PARD3B: variants seen among roughly 807,000 people sequenced by gnomAD.
PARD3B encodes par-3 family cell polarity regulator beta, also known as partitioning defective 3 homolog B.
In PARD3B, 103 loss-of-function variants were observed where a neutral mutation model predicts 130.2. The observed-to-expected ratio is 0.79, with a 90% CI of 0.67 to 0.93. PARD3B has a LOEUF of 0.93. Among genes scored for constraint, PARD3B ranks in the 40% least tolerant of loss-of-function variants. The pLI, the probability that PARD3B is intolerant of heterozygous loss-of-function variation, is 0.00. For missense variants in PARD3B, 1,609 were observed against 1,499.2 expected, an observed-to-expected ratio of 1.07 and a Z score of -1.21; for synonymous variants, 583 against 553.2, an observed-to-expected ratio of 1.05 and a Z score of -0.76.
rs540303866 is a variant in PARD3B, at chr2:205,037,308, AAT to A, written c.395-10265_395-10264del. Among the ~76,000 whole-genome samples the A allele has an allele frequency of 8.5e-3, 664 of 77,708 alleles. 4 individuals are homozygous for A. The highest frequency in any genetic ancestry group is 0.024 in the South Asian group (42 of 1,742). 51.0% of individuals were successfully genotyped at this position (77,708 alleles called of 152,430 possible). On this transcript the variant is annotated intron_variant, in intron 3 of 22. Coordinates refer to ENST00000406610, the MANE Select transcript of PARD3B (RefSeq NM_001302769.2). The stretch of plus-strand genomic sequence containing the variant: ...TATATATAGTGGACTATTTGTATAA[AAT>A]ATATATAGTGGACTATTTGTATAAA...
intron 18 of PARD3B, among the ~76,000 whole-genome samples, chr2:205,383,540 T>C (rs1048872656): frequency 8.5e-5 from 13 of 152,286 alleles, no homozygotes; most frequent in African/African-American, 3.1e-4. Flanking sequence ...TTATTTGTAA[T>C]AACATTAGCT....
intron 18 of PARD3B, among the ~76,000 whole-genome samples, chr2:205,330,289 G>A (rs772081478): frequency 2.6e-5 from 4 of 151,486 alleles, no homozygotes; most frequent in African/African-American, 4.9e-5. Context: ...TGCAGTGAGC[G>A]AAGATCACGC....
chr2:205,344,285 C>T (rs2043664939), intron 18 of PARD3B, among the ~76,000 whole-genome samples: 1 of 150,932 alleles, frequency 6.6e-6, no homozygotes, highest in Admixed American at 6.6e-5. Context: ...AAGACAGAGA[C>T]ATACAGGCAT....
At chr2:204,741,110 A>C (rs982908175) in intron 2 of PARD3B, among the ~76,000 whole-genome samples, 4 of 152,234 alleles carry the variant, frequency 2.6e-5, no homozygotes, top group Admixed American at 6.5e-5. Flanking sequence ...GCATAATTAA[A>C]AATGGCAGGT....
At chr2:205,346,538 A>G (rs967785712) in intron 18 of PARD3B, among the ~76,000 whole-genome samples, 3 of 152,162 alleles carry the variant, frequency 2.0e-5, no homozygotes, top group Non-Finnish European at 4.4e-5. Context: ...GTGCTAAGGT[A>G]CCTTCCAGGC....
At chr2:204,817,883 GA>G (rs1321796999) in intron 2 of PARD3B, among the ~76,000 whole-genome samples, 1 of 152,042 alleles carries the variant, frequency 6.6e-6, no homozygotes, top group Non-Finnish European at 1.5e-5. Flanking sequence ...TAGGTATCTT[GA>G]AAACTTGTAT....
chr2:205,125,834 C>T lies in PARD3B; in HGVS notation c.1434+97C>T. ...TGAGAAACGAGTTCTAAATCACAGG[C>T]TTCATTCATAACCAAAATTGAATCA... On this transcript the variant is annotated intron_variant, in intron 10 of 22. Transcript: ENST00000406610. The surrounding 1 kb of genome is among the most constrained non-coding windows in gnomAD (Gnocchi z 4.0). 1.4e-6 allele frequency: 2 copies of T among 1,473,656 alleles called. No homozygotes were observed. Among genetic ancestry groups the T allele is most frequent in the East Asian group, 2.3e-5 (1 of 43,194 alleles). The allele number at this position is 1,473,656 out of a possible 1,614,324, so 91.3% of individuals were successfully genotyped here. A position where few individuals can be genotyped will look rare whatever the true frequency, so the allele number is the denominator to read the frequency against.
chr2:204,859,683 G>C (rs1438875750), intron 2 of PARD3B, among the ~76,000 whole-genome samples: 1 of 152,138 alleles, frequency 6.6e-6, no homozygotes, highest in African/African-American at 2.4e-5. Flanking sequence ...TAGGAGTTTT[G>C]ATGACTGGGA....
intron 1 of PARD3B, among the ~76,000 whole-genome samples, chr2:204,665,547 A>G (rs1170405562): frequency 6.6e-6 from 1 of 152,076 alleles, no homozygotes; most frequent in African/African-American, 2.4e-5. Flanking sequence ...TTGAGTCCCA[A>G]CTCACTAGAC....
intron 20 of PARD3B, among the ~76,000 whole-genome samples, chr2:205,499,622 T>C (rs1280425680): frequency 2.0e-5 from 3 of 152,174 alleles, no homozygotes; most frequent in Non-Finnish European, 2.9e-5. Context: ...GGCCTTTTAA[T>C]TGCTCTAAAA....
intron 1 of PARD3B, among the ~76,000 whole-genome samples, chr2:204,550,325 C>G (rs997244787): frequency 6.6e-6 from 1 of 151,558 alleles, no homozygotes; most frequent in Non-Finnish European, 1.5e-5. Flanking sequence ...TGTGTGTGTT[C>G]AGTACACGTA....
In PARD3B at chr2:204,572,740, G is replaced by A. The variant is rs558040764; in HGVS notation, c.120+26621G>A. ...AAATTTTGTAAATAAAAATCAGAAAGCTAACTATTCATTTATGTAGCCAGC... is the reference window on the plus strand; with the variant it reads ...AAATTTTGTAAATAAAAATCAGAAAACTAACTATTCATTTATGTAGCCAGC... On this transcript the variant is annotated intron_variant, in intron 1 of 22. Transcript: ENST00000406610. 7.9e-5 allele frequency among the ~76,000 whole-genome samples: 12 copies of A among 152,234 alleles called. No individual in the cohort carries two copies. The South Asian group carries it at 2.5e-3, about 32-fold the overall frequency.
chr2:204,880,657 C>CA (rs746023895), intron 2 of PARD3B, among the ~76,000 whole-genome samples: 4,124 of 55,138 alleles, frequency 0.075, 293 homozygotes, highest in East Asian at 0.16. Flanking sequence ...GACTCCATCT[C>CA]AAAAAAAAAA....
intron 19 of PARD3B, among the ~76,000 whole-genome samples, chr2:205,429,123 T>A (rs2047241448): frequency 1.3e-5 from 2 of 152,298 alleles, no homozygotes; most frequent in East Asian, 3.9e-4. Flanking sequence ...AGGAATGCAA[T>A]TGAATAAAAA....
intron 22 of PARD3B, among the ~76,000 whole-genome samples, chr2:205,597,495 C>T (rs1296706475): frequency 2.0e-5 from 3 of 152,078 alleles, no homozygotes; most frequent in Admixed American, 6.6e-5. Context: ...CAAAGAGGTA[C>T]GTGTGTCTTT....
At chr2:205,336,209 G>A (rs530195083) in intron 18 of PARD3B, among the ~76,000 whole-genome samples, 4 of 152,272 alleles carry the variant, frequency 2.6e-5, no homozygotes, top group South Asian at 2.1e-4. Flanking sequence ...GTAATTTTGG[G>A]TAACTTCATA....
intron 21 of PARD3B, among the ~76,000 whole-genome samples, chr2:205,520,556 T>C (rs2050999140): frequency 6.6e-6 from 1 of 152,158 alleles, no homozygotes; most frequent in South Asian, 2.1e-4. Context: ...CAAGTTTTTA[T>C]CATAAATTAA....
Position 205,072,248 on chromosome 2 carries a change from T to C in PARD3B, c.504+24558T>C, listed in dbSNP as rs1700780802. 2.0e-5 allele frequency among the ~76,000 whole-genome samples: 3 copies of C among 151,846 alleles called. No homozygotes were observed. In the South Asian group the frequency reaches 6.2e-4, roughly 32 times the overall value. ...TTAAAATAATTCAGGTCCTTTTTTTTTTTTTTTCTTCTTTGAGACAGAGTT... is the reference window on the plus strand; with the variant it reads ...TTAAAATAATTCAGGTCCTTTTTTTCTTTTTTTCTTCTTTGAGACAGAGTT... On this transcript the variant is annotated intron_variant, in intron 4 of 22. Transcript: ENST00000406610.
chr2:204,998,318 A>ATC (rs1470918264), intron 3 of PARD3B, among the ~76,000 whole-genome samples: 2 of 25,148 alleles, frequency 8.0e-5, no homozygotes, highest in Non-Finnish European at 1.4e-4. Flanking sequence ...TAAAGTATAT[A>ATC]TATATATATA....
Sources: gnomAD v4.1 joint callset for allele counts (sites outside exome capture counted in the v4.1 genomes callset) on GRCh38, gnomAD v4.1.1 for gene constraint, Gnocchi (gnomAD v3.1) non-coding constraint, MANE v1.5 for transcripts, NCBI Gene and HGNC (gene_info 2026-07-23, HGNC 2026-07-21) for gene names.